LHPP: variants seen among roughly 807,000 people sequenced by gnomAD.
LHPP encodes the protein hLHPP.
In LHPP, 24 loss-of-function variants were observed where a neutral mutation model predicts 30.3. The observed-to-expected ratio is 0.79, with a 90% CI of 0.57 to 1.11. The LOEUF is 1.11. LHPP is among the 50% of genes most tolerant of loss of function. The pLI is 0.00. For missense variants in LHPP, 356 were observed against 367.2 expected (o/e 0.97, Z 0.25); for synonymous variants, 150 against 157.1 (o/e 0.95, Z 0.34).
rs925596060 is a variant in LHPP, at chr10:124,576,985, T to C, written c.717-36279T>C. The stretch of plus-strand genomic sequence containing the variant: ...CAACAGCCACGACCCAGAAATAAAG[T>C]AGGCACTGTAATTTGCATTTTGAGG... On this transcript the variant is annotated intron_variant, in intron 6 of 6. Transcript: ENST00000368842. The surrounding 1 kb of genome is among the most constrained non-coding windows in gnomAD (Gnocchi z 4.2). Among the ~76,000 whole-genome samples the C allele has an allele frequency of 2.6e-5, 4 of 152,150 alleles. No homozygotes were observed. The highest frequency in any genetic ancestry group is 2.6e-4 in the Admixed American group (4 of 15,270).
At chr10:124,540,696 G>A (rs1955161398) in intron 6 of LHPP, among the ~76,000 whole-genome samples, 1 of 152,172 alleles carries the variant, frequency 6.6e-6, no homozygotes, top group Non-Finnish European at 1.5e-5. Flanking sequence ...CACAGGCAGG[G>A]TTCCAGCAGC....
In LHPP at chr10:124,613,378, C is replaced by A. The variant is rs778823630; in HGVS notation, c.*18C>A. 8.9e-6 allele frequency: 14 copies of A among 1,571,952 alleles called. No individual in the cohort carries two copies. Among genetic ancestry groups the A allele is most frequent in the Non-Finnish European group, 1.1e-5 (13 of 1,146,014 alleles). On this transcript the variant is annotated 3_prime_UTR_variant, in exon 7 of 7. Coordinates refer to ENST00000368842, the MANE Select transcript of LHPP (RefSeq NM_022126.4). ...ACAAGTGATGGCCTCCTGGGAGAGC[C>A]CCGCCTCCTCCACCCCTGCCTCTCC...
chr10:124,535,253 A>G (rs1402175999), intron 6 of LHPP, among the ~76,000 whole-genome samples: 1 of 152,218 alleles, frequency 6.6e-6, no homozygotes, highest in African/African-American at 2.4e-5. Context: ...CTCACTTTGC[A>G]GAGAGGTTAA....
rs182554099 is a variant in LHPP, at chr10:124,553,385, G to A, written c.716+36114G>A. Among the ~76,000 whole-genome samples, 23 of 151,984 alleles carry A rather than the reference G, an allele frequency of 1.5e-4. No homozygotes were observed. The East Asian group carries it at 2.1e-3, about 14-fold the overall frequency. ...CTGCAGCCAGGATGCACCTGAGCTC[G>A]GACTGCCCTGAAACCCCAGGAAAAT... On this transcript the variant is annotated intron_variant, in intron 6 of 6. Transcript: ENST00000368842.
intron 2 of LHPP, among the ~76,000 whole-genome samples, chr10:124,485,561 G>A (rs1953299844): frequency 1.3e-5 from 2 of 151,740 alleles, no homozygotes; most frequent in African/African-American, 4.8e-5. Flanking sequence ...AAATTTTCAA[G>A]CATCCAACAA....
chr10:124,570,621 T>C (rs1319607944), intron 6 of LHPP, among the ~76,000 whole-genome samples: 1 of 152,136 alleles, frequency 6.6e-6, no homozygotes, highest in Non-Finnish European at 1.5e-5. Flanking sequence ...AGCAGTGACT[T>C]CCCACTCCCC....
chr10:124,556,186 G>T (rs892217017), intron 6 of LHPP, among the ~76,000 whole-genome samples: 2 of 152,210 alleles, frequency 1.3e-5, no homozygotes, highest in African/African-American at 2.4e-5. Flanking sequence ...CCACCATCCA[G>T]AGGTGACGGT....
intron 1 of LHPP, among the ~76,000 whole-genome samples, chr10:124,475,030 CT>C (rs57739169): frequency 3.0e-5 from 3 of 98,656 alleles, no homozygotes; most frequent in African/African-American, 3.9e-5. Context: ...CTTCTCATGT[CT>C]TTTTTTTTTG....
At position 124,472,180 on chromosome 10, in the gene LHPP, T is replaced by G. The variant is rs139896053; in HGVS notation, c.125+10193T>G. Reference sequence around the variant, plus strand: ...ATACAAAAATCAGCTGGGTGTGGTGTTGTGCGCCTGTAATCCTAGCTACTT... The same window carrying G: ...ATACAAAAATCAGCTGGGTGTGGTGGTGTGCGCCTGTAATCCTAGCTACTT... On this transcript the variant is annotated intron_variant, in intron 1 of 6. Transcript: ENST00000368842. Among the ~76,000 whole-genome samples the G allele has an allele frequency of 3.7e-3, 561 of 150,990 alleles. 3 individuals are homozygous for G. The highest frequency in any genetic ancestry group is 0.013 in the African/African-American group (534 of 41,404).
Position 124,517,089 on chromosome 10 carries a change from C to G in LHPP, c.625-91C>G. ...ATGATGGTGGTTGTAAACATCAAAT[C>G]AAGCCATTTATTATGTCAAAAAAAG... On this transcript the variant is annotated intron_variant, in intron 5 of 6. Transcript: ENST00000368842. This position sits in a 1 kb window ranked among gnomAD's most constrained non-coding sequence, Gnocchi z 4.1. 2.6e-6 allele frequency: 2 copies of G among 756,826 alleles called. No homozygotes were observed. The highest frequency in any genetic ancestry group is 4.2e-6 in the Non-Finnish European group (2 of 472,994). The allele number at this position is 756,826 out of a possible 1,614,324, so 46.9% of individuals were successfully genotyped here. A position where few individuals can be genotyped will look rare whatever the true frequency, so the allele number is the denominator to read the frequency against.
At chr10:124,585,081 AAAAT>A (rs1948786988) in intron 6 of LHPP, among the ~76,000 whole-genome samples, 1 of 152,232 alleles carries the variant, frequency 6.6e-6, no homozygotes, top group African/African-American at 2.4e-5. Flanking sequence ...CCAGAATCAA[AAAAT>A]ATATATAGAG....
In LHPP at chr10:124,517,116, T is replaced by C; in HGVS notation, c.625-64T>C. 9.2e-7 allele frequency: 1 copy of C among 1,090,050 alleles called. No homozygotes were observed. The allele number at this position is 1,090,050 out of a possible 1,614,324, so 67.5% of individuals were successfully genotyped here. ...AGCCATTTATTATGTCAAAAAAAGATGAAGGAGCCCGGGAATAAAACTCTC... is the reference window on the plus strand; with the variant it reads ...AGCCATTTATTATGTCAAAAAAAGACGAAGGAGCCCGGGAATAAAACTCTC... On this transcript the variant is annotated intron_variant, in intron 5 of 6. Transcript: ENST00000368842. This position sits in a 1 kb window ranked among gnomAD's most constrained non-coding sequence, Gnocchi z 4.1.
At chr10:124,594,643 T>A (rs1394514032) in intron 6 of LHPP, among the ~76,000 whole-genome samples, 1 of 151,362 alleles carries the variant, frequency 6.6e-6, no homozygotes, top group Admixed American at 6.6e-5. Flanking sequence ...TTTTTTTTTT[T>A]AATTTGAGAT....
rs140238288 is a variant in LHPP, at chr10:124,554,016, C to T, written c.716+36745C>T. On this transcript the variant is annotated intron_variant, in intron 6 of 6. Transcript: ENST00000368842. Reference sequence around the variant, plus strand: ...TGGACAGCTCCATGTGAGTCTTCTTCGAGAGACTCCACTGCAGATAGAAGA... The same window carrying T: ...TGGACAGCTCCATGTGAGTCTTCTTTGAGAGACTCCACTGCAGATAGAAGA... 16 of 985,418 alleles carry T rather than the reference C, an allele frequency of 1.6e-5. No individual in the cohort carries two copies. The Admixed American group carries it at 3.1e-4, about 19-fold the overall frequency. 61.0% of individuals were successfully genotyped at this position (985,418 alleles called of 1,614,324 possible).
At chr10:124,570,368 G>A (rs1357040895) in intron 6 of LHPP, among the ~76,000 whole-genome samples, 1 of 152,226 alleles carries the variant, frequency 6.6e-6, no homozygotes, top group African/African-American at 2.4e-5. Flanking sequence ...CACTGGGCTG[G>A]CCCAGGGGCC....
At chr10:124,544,270 G>A (rs1955277611) in intron 6 of LHPP, among the ~76,000 whole-genome samples, 1 of 152,248 alleles carries the variant, frequency 6.6e-6, no homozygotes, top group African/African-American at 2.4e-5. Context: ...TGTCTTCTGG[G>A]GAATGGAGCG....
At chr10:124,556,865 C>T (rs548128426) in intron 6 of LHPP, among the ~76,000 whole-genome samples, 84 of 152,144 alleles carry the variant, frequency 5.5e-4, no homozygotes, top group South Asian at 3.3e-3. Flanking sequence ...GTTTTTTAAA[C>T]GAAGGCTCTT....
At chr10:124,500,465 C>CT (rs1394164146) in intron 5 of LHPP, among the ~76,000 whole-genome samples, 3 of 152,050 alleles carry the variant, frequency 2.0e-5, no homozygotes, top group South Asian at 4.1e-4. Flanking sequence ...GAGTGAGACT[C>CT]TATTTCCAAG....
chr10:124,612,371 C>T (rs1235277214), intron 6 of LHPP, among the ~76,000 whole-genome samples: 3 of 152,152 alleles, frequency 2.0e-5, no homozygotes, highest in Non-Finnish European at 4.4e-5. Context: ...CACCATTGCA[C>T]TCCAGCCTGG....
Sources: gnomAD v4.1 joint callset for allele counts (sites outside exome capture counted in the v4.1 genomes callset) on GRCh38, gnomAD v4.1.1 for gene constraint, Gnocchi (gnomAD v3.1) non-coding constraint, MANE v1.5 for transcripts, NCBI Gene and HGNC (gene_info 2026-07-23, HGNC 2026-07-21) for gene names.